The following PALM2AKAP2 variants were observed in gnomAD, a reference collection of about 807,000 sequenced individuals.
PALM2AKAP2 encodes PALM2-AKAP2 fusion protein.
PALM2AKAP2 carries 37 observed loss-of-function variants against 71.5 expected under a neutral mutation model. The ratio of observed to expected loss-of-function variants is 0.52; its 90% CI spans 0.40 to 0.68. The LOEUF is 0.68. Among genes scored for constraint, PALM2AKAP2 ranks in the 30% least tolerant of loss-of-function variants. The probability of loss-of-function intolerance (pLI) is 0.00; values close to 1 mark genes in which losing one functional copy is unlikely to be tolerated. For synonymous variants in PALM2AKAP2, 468 were observed against 478.8 expected (o/e 0.98, Z 0.29); for missense variants, 1,224 against 1,191.8 (o/e 1.03, Z -0.40).
chr9:109,678,440 C>T (rs1827678705), intron 1 of PALM2AKAP2, among the ~76,000 whole-genome samples: 2 of 152,204 alleles, frequency 1.3e-5, no homozygotes, highest in Non-Finnish European at 2.9e-5. Flanking sequence ...ATTCCCATTT[C>T]ACTTTAGAAT....
At chr9:110,000,806 G>T (rs1196378867) in intron 6 of PALM2AKAP2, among the ~76,000 whole-genome samples, 1 of 152,178 alleles carries the variant, frequency 6.6e-6, no homozygotes, top group African/African-American at 2.4e-5. Flanking sequence ...CTGCATAAAT[G>T]TCTCCTTTTG....
chr9:109,991,756 A>G (rs922289217), intron 6 of PALM2AKAP2, among the ~76,000 whole-genome samples: 1 of 152,178 alleles, frequency 6.6e-6, no homozygotes, highest in Non-Finnish European at 1.5e-5. Flanking sequence ...TGCAGACATC[A>G]GGCTTTAAAT....
rs559580013 is a variant in PALM2AKAP2 at position 109,646,076 on chromosome 9, A to T, written c.5+5210A>T. On this transcript the variant is annotated intron_variant, in intron 1 of 6. Coordinates refer to the PALM2AKAP2 transcript ENST00000374531. ...GAGGGTACTAACTGATTGAAGTTAA[A>T]ATTTTTCTTAGTGACATGCTCTGTA... 4.6e-5 allele frequency among the ~76,000 whole-genome samples: 7 copies of T among 152,312 alleles called. No individual in the cohort carries two copies. In the South Asian group the frequency reaches 1.0e-3, roughly 23 times the overall value.
chr9:109,728,105 G>T (rs1288812976), intron 1 of PALM2AKAP2, among the ~76,000 whole-genome samples: 1 of 152,206 alleles, frequency 6.6e-6, no homozygotes, highest in Non-Finnish European at 1.5e-5. Flanking sequence ...TGAGAAGCAA[G>T]GGTATTCTAG....
intron 1 of PALM2AKAP2, among the ~76,000 whole-genome samples, chr9:109,842,489 T>C (rs1828724653): frequency 6.6e-6 from 1 of 152,200 alleles, no homozygotes; most frequent in African/African-American, 2.4e-5. Flanking sequence ...TTATCCAGCT[T>C]AAACTCAACA....
At chr9:109,872,800 T>C (rs1829635339) in intron 2 of PALM2AKAP2, among the ~76,000 whole-genome samples, 1 of 152,226 alleles carries the variant, frequency 6.6e-6, no homozygotes, top group Non-Finnish European at 1.5e-5. Flanking sequence ...GCACTAATTT[T>C]AGACTTTTTC....
chr9:110,048,933 C>G (rs979160086), intron 1 of PALM2AKAP2: 20 of 1,402,870 alleles, frequency 1.4e-5, no homozygotes, highest in Non-Finnish European at 1.8e-5. Flanking sequence ...AAGGGGTTGC[C>G]GAGGAAGGGC....
chr9:110,148,282 G>T (rs1402806161), intron 2 of PALM2AKAP2, among the ~76,000 whole-genome samples: 2 of 152,012 alleles, frequency 1.3e-5, no homozygotes, highest in Non-Finnish European at 2.9e-5. Context: ...TGTGTTCATA[G>T]GTATAAACCC....
intron 1 of PALM2AKAP2, among the ~76,000 whole-genome samples, chr9:109,812,470 TG>T (rs1288144687): frequency 1.3e-5 from 2 of 151,782 alleles, no homozygotes; most frequent in Admixed American, 1.3e-4. Flanking sequence ...AGCCTGAGGG[TG>T]GGGGTACTGA....
intron 6 of PALM2AKAP2, among the ~76,000 whole-genome samples, chr9:109,954,658 TAA>T (rs56743395): frequency 0.41 from 44,549 of 109,850 alleles, 6,544 homozygotes; most frequent in South Asian, 0.46. Flanking sequence ...TAAAGTATAA[TAA>T]AAAAAAAAAA....
intron 7 of PALM2AKAP2, among the ~76,000 whole-genome samples, chr9:110,019,453 T>C (rs1833035639): frequency 6.6e-6 from 1 of 152,124 alleles, no homozygotes; most frequent in Non-Finnish European, 1.5e-5. Context: ...AATGGATATC[T>C]ACCCAAAGGA....
At chr9:110,084,839 G>A (rs1029729662) in intron 1 of PALM2AKAP2, among the ~76,000 whole-genome samples, 2 of 151,860 alleles carry the variant, frequency 1.3e-5, no homozygotes, top group African/African-American at 2.4e-5. Context: ...GGGTTCAAGC[G>A]ATTCTCCTGC....
At chr9:109,887,204 A>G (rs1338995735) in intron 3 of PALM2AKAP2, among the ~76,000 whole-genome samples, 3 of 152,284 alleles carry the variant, frequency 2.0e-5, no homozygotes, top group African/African-American at 4.8e-5. Flanking sequence ...AACCAAGAAG[A>G]TGACAGTTAC....
intron 1 of PALM2AKAP2, among the ~76,000 whole-genome samples, chr9:109,758,676 T>C (rs1829004713): frequency 6.6e-6 from 1 of 152,098 alleles, no homozygotes; most frequent in South Asian, 2.1e-4. Flanking sequence ...TTTCTATAAG[T>C]GACCTAATCA....
At chr9:109,770,775 G>T (rs1339855974) in intron 1 of PALM2AKAP2, among the ~76,000 whole-genome samples, 1 of 152,144 alleles carries the variant, frequency 6.6e-6, no homozygotes, top group Non-Finnish European at 1.5e-5. Flanking sequence ...GAAGGATATA[G>T]GTGTCAACAT....
chr9:109,714,353 T>A (rs148989942), intron 1 of PALM2AKAP2, among the ~76,000 whole-genome samples: 3 of 152,214 alleles, frequency 2.0e-5, no homozygotes, highest in Non-Finnish European at 4.4e-5. Context: ...CCACAACTAT[T>A]GCCATGGACT....
intron 3 of PALM2AKAP2, among the ~76,000 whole-genome samples, chr9:109,888,903 C>T (rs1830026197): frequency 6.6e-6 from 1 of 152,046 alleles, no homozygotes; most frequent in Non-Finnish European, 1.5e-5. Flanking sequence ...TCCAGGGGCA[C>T]CATTGCCCTT....
intron 1 of PALM2AKAP2, among the ~76,000 whole-genome samples, chr9:109,866,765 C>T (rs377458169): frequency 9.2e-5 from 14 of 152,072 alleles, no homozygotes; most frequent in Admixed American, 3.9e-4. Flanking sequence ...ACTTTATGTA[C>T]GAGAAGACCA....
At chr9:110,157,264 T>A (rs1383058667) in intron 3 of PALM2AKAP2, among the ~76,000 whole-genome samples, 1 of 150,528 alleles carries the variant, frequency 6.6e-6, no homozygotes, top group Non-Finnish European at 1.5e-5. Context: ...AGTCATCACC[T>A]CCTCCCCTGA....
Sources: allele counts gnomAD v4.1 joint callset (sites outside exome capture counted in the v4.1 genomes callset), GRCh38; gene constraint gnomAD v4.1.1; transcripts MANE v1.5; gene names NCBI Gene and HGNC (gene_info 2026-07-23, HGNC 2026-07-21).